Variants in KCNQ3 observed in about 807,000 individuals in gnomAD.
KCNQ3 encodes potassium voltage-gated channel subfamily KQT member 3.
Under a neutral mutation model 92.5 loss-of-function variants are expected in KCNQ3, and 30 were observed. That is an observed-to-expected ratio of 0.32 (90% CI 0.24 to 0.44). KCNQ3 has a LOEUF of 0.44. Among genes scored for constraint, KCNQ3 ranks in the 20% least tolerant of loss-of-function variants. KCNQ3 has a pLI of 1.00. For synonymous variants in KCNQ3, 450 were observed against 468.8 expected, an observed-to-expected ratio of 0.96 and a Z score of 0.52; for missense variants, 913 against 1,140.3, an observed-to-expected ratio of 0.80 and a Z score of 2.87.
At chr8:132,155,141 G>A (rs529756433) in intron 9 of KCNQ3, among the ~76,000 whole-genome samples, 9 of 152,166 alleles carry the variant, frequency 5.9e-5, no homozygotes, top group South Asian at 2.1e-4. Flanking sequence ...CAGCACCCCC[G>A]ACACTACATT....
chr8:132,235,269 G>GT (rs923300111), intron 1 of KCNQ3, among the ~76,000 whole-genome samples: 1 of 150,638 alleles, frequency 6.6e-6, no homozygotes, highest in South Asian at 2.2e-4. Flanking sequence ...GAGGCCAAGG[G>GT]TGGGGGGGGA....
intron 1 of KCNQ3, among the ~76,000 whole-genome samples, chr8:132,369,519 A>G (rs1819412790): frequency 6.6e-6 from 1 of 152,062 alleles, no homozygotes; most frequent in African/African-American, 2.4e-5. Context: ...CAGGGAGTAT[A>G]AAAATGAGGC....
intron 1 of KCNQ3, among the ~76,000 whole-genome samples, chr8:132,457,847 T>A (rs1376994642): frequency 6.6e-6 from 1 of 152,132 alleles, no homozygotes; most frequent in Non-Finnish European, 1.5e-5. Context: ...CAACGAAGAA[T>A]TTGAGGCTTA....
chr8:132,316,672 C>G lies in KCNQ3; in HGVS notation c.387-130491G>C, dbSNP rs75333444. On this transcript the variant is annotated intron_variant, in intron 1 of 14. Coordinates refer to ENST00000388996, the MANE Select transcript of KCNQ3 (RefSeq NM_004519.4). ...GTGCAGATTTGGGCAAGACATCCAC[C>G]CTCTCTGAAGAGATCACCAGTTGTT... Among the ~76,000 whole-genome samples the G allele has an allele frequency of 4.8e-3, 735 of 152,216 alleles. 3 individuals are homozygous for G. The highest frequency in any genetic ancestry group is 0.017 in the Middle Eastern group (5 of 294).
chr8:132,378,340 C>T (rs1819663465), intron 1 of KCNQ3, among the ~76,000 whole-genome samples: 1 of 151,820 alleles, frequency 6.6e-6, no homozygotes, highest in South Asian at 2.1e-4. Flanking sequence ...TGCAGTGAGC[C>T]AAGATCATGC....
chr8:132,356,689 C>A (rs936678064), intron 1 of KCNQ3, among the ~76,000 whole-genome samples: 3 of 152,110 alleles, frequency 2.0e-5, no homozygotes, highest in African/African-American at 7.2e-5. Context: ...GCTTTACAAC[C>A]CAGAGGGAAA....
chr8:132,467,566 C>T (rs993983220), intron 1 of KCNQ3, among the ~76,000 whole-genome samples: 1 of 152,114 alleles, frequency 6.6e-6, no homozygotes, highest in Non-Finnish European at 1.5e-5. Context: ...AAAGAGAAGC[C>T]TTCCTTGGCA....
At chr8:132,277,903 C>T in intron 1 of KCNQ3, 1 of 974,218 alleles carries the variant, frequency 1.0e-6, no homozygotes, top group Non-Finnish European at 1.2e-6. Context: ...GTCTCTGCTT[C>T]CTGCTCCTAC....
intron 1 of KCNQ3, among the ~76,000 whole-genome samples, chr8:132,392,790 CA>C (rs56183412): frequency 0.02 from 1,455 of 72,554 alleles, 11 homozygotes; most frequent in East Asian, 0.056. Context: ...GAACCTGTCT[CA>C]AAAAAAAAAA....
chr8:132,253,841 G>A (rs1410694666), intron 1 of KCNQ3, among the ~76,000 whole-genome samples: 2 of 152,178 alleles, frequency 1.3e-5, no homozygotes, highest in Admixed American at 6.5e-5. Context: ...TGGCCCTGGG[G>A]CAGAACCTCA....
chr8:132,131,992 G>C (rs1824895438), intron 14 of KCNQ3, among the ~76,000 whole-genome samples, 188 bp downstream of exon 14: 1 of 152,048 alleles, frequency 6.6e-6, no homozygotes, highest in African/African-American at 2.4e-5. Flanking sequence ...GGAGGCTGAG[G>C]CAGGAGAATC....
intron 1 of KCNQ3, among the ~76,000 whole-genome samples, chr8:132,442,143 C>T (rs112122751): frequency 0.063 from 9,522 of 152,118 alleles, 388 homozygotes; most frequent in East Asian, 0.19. Context: ...TTAATACCTG[C>T]TTGATGAAAT....
At chr8:132,271,957 A>T (rs1318285644) in intron 1 of KCNQ3, among the ~76,000 whole-genome samples, 2 of 152,192 alleles carry the variant, frequency 1.3e-5, no homozygotes, top group African/African-American at 2.4e-5. Flanking sequence ...CTCATTTAGT[A>T]TCTAAAGAAA....
chr8:132,192,091 T>A (rs1427835764), intron 1 of KCNQ3, among the ~76,000 whole-genome samples: 1 of 152,196 alleles, frequency 6.6e-6, no homozygotes, highest in Non-Finnish European at 1.5e-5. Flanking sequence ...TCTCGTTGTC[T>A]GCTTTTAGAG....
At chr8:132,458,772 T>A (rs1273536292) in intron 1 of KCNQ3, among the ~76,000 whole-genome samples, 1 of 152,238 alleles carries the variant, frequency 6.6e-6, no homozygotes, top group Admixed American at 6.5e-5. Flanking sequence ...GTTTTCAATT[T>A]AGAGAAATAC....
chr8:132,235,295 G>C (rs766573078), intron 1 of KCNQ3, among the ~76,000 whole-genome samples: 5 of 152,150 alleles, frequency 3.3e-5, no homozygotes, highest in Admixed American at 6.5e-5. Context: ...CTGAGGTCAG[G>C]AGTTCGAGAC....
At chr8:132,400,820 C>T (rs1014203734) in intron 1 of KCNQ3, among the ~76,000 whole-genome samples, 3 of 152,212 alleles carry the variant, frequency 2.0e-5, no homozygotes, top group Non-Finnish European at 4.4e-5. Flanking sequence ...GGCATTAATC[C>T]TAATCCCTTT....
In KCNQ3 at chr8:132,173,016, C is replaced by G. The variant is rs377263719; in HGVS notation, c.1045-323G>C. On this transcript the variant is annotated intron_variant, in intron 6 of 14. Coordinates refer to ENST00000388996, the MANE Select transcript of KCNQ3 (RefSeq NM_004519.4). The stretch of plus-strand genomic sequence containing the variant: ...TCTATAGGGATGTGGGATAATAATA[C>G]CTAATGCATGATTAGAAAAAAGTGA... 3.0e-4 allele frequency among the ~76,000 whole-genome samples: 45 copies of G among 152,274 alleles called. 1 individual carries two copies. Among genetic ancestry groups the G allele is most frequent in the African/African-American group, 1.1e-3 (44 of 41,562 alleles).
intron 1 of KCNQ3, among the ~76,000 whole-genome samples, chr8:132,440,101 T>C (rs1052963432): frequency 6.6e-6 from 1 of 152,236 alleles, no homozygotes; most frequent in South Asian, 2.1e-4. Flanking sequence ...TCAGTAGTCA[T>C]TATACTGAAT....
Sources: gnomAD v4.1 joint callset for allele counts (sites outside exome capture counted in the v4.1 genomes callset) on GRCh38, gnomAD v4.1.1 for gene constraint, MANE v1.5 for transcripts, NCBI Gene and HGNC (gene_info 2026-07-23, HGNC 2026-07-21) for gene names.